The following ITGAX variants were observed in gnomAD, a reference collection of about 807,000 sequenced individuals.
ITGAX encodes integrin subunit alpha X, also known as integrin alpha-X.
ITGAX carries 99 observed loss-of-function variants against 140.2 expected under a neutral mutation model. The observed-to-expected ratio is 0.71, with a 90% CI of 0.60 to 0.83. The LOEUF is 0.83. Ranked by LOEUF, ITGAX falls within the 40% of genes least tolerant of loss-of-function variation. The pLI, the probability that ITGAX is intolerant of heterozygous loss-of-function variation, is 0.00. For missense variants in ITGAX, 1,444 were observed against 1,482.0 expected (o/e 0.97, Z 0.42); for synonymous variants, 631 against 600.4 (o/e 1.05, Z -0.75).
intron 14 of ITGAX, among the ~76,000 whole-genome samples, chr16:31,363,722 G>A (rs2080863316): frequency 1.3e-5 from 2 of 152,228 alleles, no homozygotes; most frequent in African/African-American, 2.4e-5. Flanking sequence ...TGGGATTATA[G>A]GCGTGAGCCA....
chr16:31,382,224 C>CTTTCTTTTTTTTTTT lies in ITGAX; in HGVS notation c.*321_*335dup. ...ATGAGGCACGAATGATCTTTCTTTC[C>CTTTCTTTTTTTTTTT]TTTCTTTTTTTTTTTTTTTCTTTTC... On this transcript the variant is annotated 3_prime_UTR_variant, in exon 30 of 30. Coordinates refer to ENST00000268296, the MANE Select transcript of ITGAX (RefSeq NM_000887.5). The CTTTCTTTTTTTTTTT allele has an allele frequency of 8.6e-7, 1 of 1,165,714 alleles. No homozygotes were observed. The highest frequency in any genetic ancestry group is 1.9e-5 in the South Asian group (1 of 53,696). The allele number at this position is 1,165,714 out of a possible 1,614,324, so 72.2% of individuals were successfully genotyped here.
chr16:31,379,572 G>A lies in ITGAX; in HGVS notation c.2794G>A (p.Glu932Lys), dbSNP rs867400184. ...YAVYTVVSSH[E>K]QFTKYLNFSE... Reference sequence around the variant, plus strand: ...TTATGCGTCTTCTCTCTCCAGCCACGAACAATTCACCAAATACCTCAACTT... The same window carrying A: ...TTATGCGTCTTCTCTCTCCAGCCACAAACAATTCACCAAATACCTCAACTT... Residue 932 changes from glutamate (E) to lysine (K), a missense_variant, in exon 24 of 30, where the codon GAA becomes AAA. By Grantham distance (56) the Glu-to-Lys change is moderately conservative (BLOSUM62 1). Transcript: ENST00000268296. 14 of 1,559,926 alleles carry A rather than the reference G, an allele frequency of 9.0e-6. No individual in the cohort carries two copies. The highest frequency in any genetic ancestry group is 1.2e-5 in the Non-Finnish European group (14 of 1,150,700).
intron 14 of ITGAX, among the ~76,000 whole-genome samples, chr16:31,363,785 A>C (rs2142498265): frequency 6.6e-6 from 1 of 152,126 alleles, no homozygotes; most frequent in South Asian, 2.1e-4. Context: ...GGCACAGAAA[A>C]CCCATTTTAC....
chr16:31,356,493 G>T, intron 2 of ITGAX, 132 bp from the exon 3 acceptor site: 1 of 626,674 alleles, frequency 1.6e-6, no homozygotes, highest in South Asian at 1.8e-5. Context: ...CTTCCACATG[G>T]ACTTTAAATT....
At chr16:31,360,202 T>G in intron 7 of ITGAX, 108 bp from the exon 8 acceptor site, 1 of 1,507,546 alleles carries the variant, frequency 6.6e-7, no homozygotes, top group Non-Finnish European at 9.0e-7. Context: ...GGCCTCTGGG[T>G]GGGACTGGGG....
rs2080982717 is a variant in ITGAX, at chr16:31,372,785, T to C, written c.2366+115T>C. ...TCATCCTATAGTCAAAACCCAGGTG[T>C]CTTGGCTGGGCACAGTGGCTCACGC... is the stretch of plus-strand genomic sequence containing the variant. On this transcript the variant is annotated intron_variant, in intron 19 of 29. Transcript: ENST00000268296. 5 of 1,072,946 alleles carry C rather than the reference T, an allele frequency of 4.7e-6. No individual in the cohort carries two copies. In the South Asian group the frequency reaches 7.0e-5, roughly 15 times the overall value. The allele number at this position is 1,072,946 out of a possible 1,614,324, so 66.5% of individuals were successfully genotyped here.
At chr16:31,360,953 A>G in intron 8 of ITGAX, 110 bp from the exon 9 acceptor site, 1 of 1,048,342 alleles carries the variant, frequency 9.5e-7, no homozygotes, top group Non-Finnish European at 1.4e-6. Context: ...TCCTGTGTCC[A>G]CCGGGTGTGA....
intron 27 of ITGAX, 41 bp from the exon 28 acceptor site, chr16:31,380,482 C>T: frequency 6.2e-7 from 1 of 1,613,840 alleles, no homozygotes. Context: ...CTGAGCCTCC[C>T]CCAGAGCCAG....
Position 31,359,738 on chromosome 16 carries a change from G to A in ITGAX, c.469G>A (p.Asp157Asn), listed in dbSNP as rs1445888222. 5.0e-6 allele frequency: 8 copies of A among 1,614,126 alleles called. No individual in the cohort carries two copies. Among genetic ancestry groups the A allele is most frequent in the South Asian group, 1.1e-5 (1 of 91,082 alleles). Residue 157 changes from aspartate (D) to asparagine (N), a missense_variant, in exon 6 of 30, where the codon GAT becomes AAT. By Grantham distance (23) the Asp-to-Asn change is conservative (BLOSUM62 1). Transcript: ENST00000268296. ...GGAGCAGGACATTGTGTTCCTGATC[G>A]ATGGCTCAGGCAGCATCTCCTCCCG... ...RQEQDIVFLI[D>N]GSGSISSRNF... is the part of the protein sequence containing the mutation.
At chr16:31,372,735 G>A in intron 19 of ITGAX, 65 bp downstream of exon 19, 2 of 1,448,168 alleles carry the variant, frequency 1.4e-6, no homozygotes, top group African/African-American at 1.4e-5. Context: ...TGGGACTCCT[G>A]CCTCTGGCTC....
chr16:31,380,628 G>GA lies in ITGAX; in HGVS notation c.3276+5dup. On this transcript the variant is annotated splice_donor_region_variant and intron_variant, in intron 28 of 29. Transcript: ENST00000268296. ...GGAGGCATTTATGAGAGCTCAGGTA[G>GA]AGACCATGTGGAGGGCAGCGACCAG... 2 of 1,614,236 alleles carry GA rather than the reference G, an allele frequency of 1.2e-6. No homozygotes were observed.
chr16:31,355,289 C>T lies in ITGAX; in HGVS notation c.35C>T (p.Thr12Ile). ...TRTRAALLLF[T>I]ALATSLGFNL... ...ACCAGGGCAGCACTCCTCCTGTTCA[C>T]AGGTGAGCCTGGACCCCAATGAAGT... The change falls in exon 1 of 30, where the codon ACA becomes ATA. Residue 12 changes from threonine (T) to isoleucine (I), a missense_variant and splice_region_variant. Coordinates refer to ENST00000268296, the MANE Select transcript of ITGAX (RefSeq NM_000887.5). The T allele has an allele frequency of 6.2e-7, 1 of 1,613,786 alleles. No homozygotes were observed. The highest frequency in any genetic ancestry group is 2.2e-5 in the East Asian group (1 of 44,886).
In ITGAX at chr16:31,360,055, C is replaced by T. The variant is rs1374019652; in HGVS notation, c.697C>T (p.Gln233Ter). The T allele has an allele frequency of 3.7e-6, 6 of 1,610,528 alleles. No individual in the cohort carries two copies. In the African/African-American group the frequency reaches 5.3e-5, roughly 14 times the overall value. The change falls in exon 7 of 30, where the codon CAA becomes TAA. Residue 233 changes from glutamine (Q) to a stop codon, truncating the protein, a stop_gained. Transcript: ENST00000268296. LOFTEE classifies it high-confidence loss of function. ...GTTTACATACACGGCCACCGCCATCCAAAATGTCGTGTGAGTCCTGATTTC... is the reference window on the plus strand; with the variant it reads ...GTTTACATACACGGCCACCGCCATCTAAAATGTCGTGTGAGTCCTGATTTC... ...QGFTYTATAI[Q>*]NVVHRLFHAS... is the part of the protein sequence containing the mutation.
chr16:31,361,503 C>G, intron 9 of ITGAX: 1 of 674,024 alleles, frequency 1.5e-6, no homozygotes, highest in South Asian at 1.8e-5. Flanking sequence ...GGAGACCCTT[C>G]CACCCACACC....
intron 14 of ITGAX, among the ~76,000 whole-genome samples, chr16:31,367,616 C>A (rs996124877): frequency 1.3e-5 from 2 of 152,170 alleles, no homozygotes; most frequent in African/African-American, 2.4e-5. Flanking sequence ...ATTCTGGAGA[C>A]CTGCTGCTCA....
rs1171202413 is a variant in ITGAX at position 31,382,879 on chromosome 16, A to AT, written c.*979dup. On this transcript the variant is annotated 3_prime_UTR_variant, in exon 30 of 30. Transcript: ENST00000268296. ...CCTGAAAAAATGCCAAGACATGATT[A>AT]TTTTTTTAAAAAGCGTACTTTAAAT... The AT allele has an allele frequency of 5.1e-5, 10 of 195,292 alleles. No homozygotes were observed. The highest frequency in any genetic ancestry group is 1.2e-4 in the African/African-American group (5 of 42,936). The allele number at this position is 195,292 out of a possible 1,614,324, so 12.1% of individuals were successfully genotyped here.
At position 31,382,253 on chromosome 16, in the gene ITGAX, T is replaced by TC; in HGVS notation, c.*346_*347insC. The TC allele has an allele frequency of 9.8e-7, 1 of 1,025,428 alleles. No homozygotes were observed. Among genetic ancestry groups the TC allele is most frequent in the Non-Finnish European group, 1.2e-6 (1 of 825,836 alleles). The allele number at this position is 1,025,428 out of a possible 1,614,324, so 63.5% of individuals were successfully genotyped here. A position where few individuals can be genotyped will look rare whatever the true frequency, so the allele number is the denominator to read the frequency against. On this transcript the variant is annotated 3_prime_UTR_variant, in exon 30 of 30. Transcript: ENST00000268296. ...CTTTTTTTTTTTTTTTCTTTTCTTT[T>TC]TTTTTTTTTTGAGACGGAGTCTCGC...
chr16:31,375,838 C>T (rs1423165437), intron 20 of ITGAX, among the ~76,000 whole-genome samples: 1 of 152,146 alleles, frequency 6.6e-6, no homozygotes, highest in Admixed American at 6.5e-5. Context: ...GAAAGTGCTC[C>T]TAGACATATC....
At position 31,361,098 on chromosome 16, in the gene ITGAX, A is replaced by G. The variant is rs1381637458; in HGVS notation, c.897A>G (p.Lys299=). The G allele has an allele frequency of 1.2e-6, 2 of 1,613,196 alleles. No individual in the cohort carries two copies. Among genetic ancestry groups the G allele is most frequent in the African/African-American group, 2.7e-5 (2 of 74,988 alleles). ...GLAFQNRNSW[K]ELNDIASKPS... ...CTTTTCAAAACAGAAATTCTTGGAA[A>G]GAATTAAATGACATTGCATCGAAGC... The change falls in exon 9 of 30, where the codon AAA becomes AAG. Residue 299 remains lysine (K), a synonymous_variant. Transcript: ENST00000268296.
Sources: allele counts gnomAD v4.1 joint callset (sites outside exome capture counted in the v4.1 genomes callset), GRCh38; gene constraint gnomAD v4.1.1; transcripts MANE v1.5; gene names NCBI Gene and HGNC (gene_info 2026-07-23, HGNC 2026-07-21).